The following KIAA1549 variants were observed in gnomAD, a reference collection of about 807,000 sequenced individuals.
KIAA1549 encodes KIAA1549.
In KIAA1549, 70 loss-of-function variants were observed where a neutral mutation model predicts 156.4. The ratio of observed to expected loss-of-function variants is 0.45; its 90% CI spans 0.37 to 0.55. KIAA1549 has a LOEUF of 0.55. Ranked by LOEUF, KIAA1549 falls within the 20% of genes least tolerant of loss-of-function variation. The probability of loss-of-function intolerance (pLI) is 0.00; values close to 1 mark genes in which losing one functional copy is unlikely to be tolerated. For missense variants in KIAA1549, 2,428 were observed against 2,540.9 expected (o/e 0.96, Z 0.96); for synonymous variants, 1,103 against 1,066.4 (o/e 1.03, Z -0.67).
chr7:138,869,911 A>G, intron 13 of KIAA1549, 150 bp from the exon 14 acceptor site: 1 of 636,098 alleles, frequency 1.6e-6, no homozygotes. Context: ...GTGCAATGGC[A>G]TGATCTCAGC....
chr7:138,844,182 G>A, intron 18 of KIAA1549, 135 bp downstream of exon 18: 1 of 988,934 alleles, frequency 1.0e-6, no homozygotes, highest in Middle Eastern at 2.2e-4. Flanking sequence ...TCTCGGTCAG[G>A]ATATGAGGGG....
In KIAA1549 at chr7:138,918,740, C is replaced by A; in HGVS notation, c.886G>T (p.Gly296Cys). 6.2e-7 allele frequency: 1 copy of A among 1,613,758 alleles called. No homozygotes were observed. Among genetic ancestry groups the A allele is most frequent in the Middle Eastern group, 1.7e-4 (1 of 6,060 alleles). Residue 296 changes from glycine to cysteine, a missense_variant, in exon 2 of 20, where the codon GGC (glycine) becomes TGC (cysteine). Gly to Cys is a radical substitution (Grantham distance 159, BLOSUM62 -3). Transcript: ENST00000422774. The surrounding 1 kb of genome is among the most constrained non-coding windows in gnomAD (Gnocchi z 4.2). ...RSLMPQPLGD[G>C]ITIPLPSLGE... ...AAGGAGGGCAACGGTATAGTAATGCCGTCGCCTAACGGCTGTGGCATTAAA... is the reference window on the plus strand; with the variant it reads ...AAGGAGGGCAACGGTATAGTAATGCAGTCGCCTAACGGCTGTGGCATTAAA...
intron 1 of KIAA1549, among the ~76,000 whole-genome samples, chr7:138,971,055 G>C (rs142737339): frequency 1.3e-5 from 2 of 152,088 alleles, no homozygotes; most frequent in Non-Finnish European, 2.9e-5. Flanking sequence ...CCCTGCCCTC[G>C]ACACAACACC....
At chr7:138,853,470 CTGTGAACAAATATCTATTT>C (rs1451394996) in intron 16 of KIAA1549, among the ~76,000 whole-genome samples, 1 of 152,216 alleles carries the variant, frequency 6.6e-6, no homozygotes, top group Admixed American at 6.5e-5. Flanking sequence ...AGACACTCTC[CTGTGAACAAATATCTATTT>C]TGTGAGGGGA....
In KIAA1549 at chr7:138,917,459, G is replaced by C. The variant is rs761475697; in HGVS notation, c.2167C>G (p.Pro723Ala). Residue 723 changes from proline to alanine, a missense_variant, in exon 2 of 20, where the codon CCT becomes GCT. By Grantham distance (27) the Pro-to-Ala change is conservative (BLOSUM62 -1). Transcript: ENST00000422774. ...TCAACAAACTCGAGAGAATCAGAAG[G>C]GAAGCTTGACCATGGTGACACCTCA... ...RSEVSPWSSF[P>A]SDSLEFVEAS... 4 of 1,613,816 alleles carry C rather than the reference G, an allele frequency of 2.5e-6. No homozygotes were observed. Among genetic ancestry groups the C allele is most frequent in the Non-Finnish European group, 3.4e-6 (4 of 1,179,894 alleles).
intron 8 of KIAA1549, among the ~76,000 whole-genome samples, chr7:138,901,728 T>C (rs1319909849): frequency 3.9e-5 from 6 of 152,328 alleles, no homozygotes; most frequent in Non-Finnish European, 8.8e-5. Flanking sequence ...CATTCCCCAA[T>C]TGCTGGACAT....
intron 12 of KIAA1549, chr7:138,876,568 A>G (rs1811090867): frequency 6.6e-6 from 1 of 152,218 alleles, no homozygotes; most frequent in African/African-American, 2.4e-5. Flanking sequence ...TAACTACTTA[A>G]AAATCACACA....
intron 7 of KIAA1549, among the ~76,000 whole-genome samples, 198 bp downstream of exon 7, chr7:138,904,824 C>T (rs1811961667): frequency 6.6e-6 from 1 of 152,144 alleles, no homozygotes; most frequent in Non-Finnish European, 1.5e-5. Context: ...TAAAGAAAGT[C>T]AGTCCTTTTT....
intron 1 of KIAA1549, among the ~76,000 whole-genome samples, chr7:138,941,050 T>C (rs893438327): frequency 6.6e-6 from 1 of 152,072 alleles, no homozygotes; most frequent in Admixed American, 6.5e-5. Flanking sequence ...TTGGCTTTTG[T>C]TGCCATTGCT....
At chr7:138,845,037 A>G (rs1199756765) in intron 17 of KIAA1549, among the ~76,000 whole-genome samples, 2 of 152,078 alleles carry the variant, frequency 1.3e-5, no homozygotes, top group Admixed American at 6.6e-5. Flanking sequence ...CGGATCGCAA[A>G]CTTTTTTTTA....
At chr7:138,850,988 T>C (rs1810217062) in intron 17 of KIAA1549, among the ~76,000 whole-genome samples, 1 of 152,226 alleles carries the variant, frequency 6.6e-6, no homozygotes, top group African/African-American at 2.4e-5. Context: ...TATTTTACAG[T>C]TGAGTCCAGG....
At chr7:138,908,231 G>A (rs1812064784) in intron 5 of KIAA1549, among the ~76,000 whole-genome samples, 1 of 151,934 alleles carries the variant, frequency 6.6e-6, no homozygotes, top group Non-Finnish European at 1.5e-5. Flanking sequence ...AAGGACTGCA[G>A]AGAAAACAGG....
chr7:138,966,159 C>T (rs1475856295), intron 1 of KIAA1549, among the ~76,000 whole-genome samples: 1 of 152,144 alleles, frequency 6.6e-6, no homozygotes, highest in East Asian at 1.9e-4. Context: ...ACCCTAGAAC[C>T]TCAGGATGTG....
In KIAA1549 at chr7:138,936,736, C is replaced by T. The variant is rs575076791; in HGVS notation, c.188-17298G>A. 1.2e-3 allele frequency among the ~76,000 whole-genome samples: 170 copies of T among 145,784 alleles called. 2 individuals are homozygous for T. Among genetic ancestry groups the T allele is most frequent in the Middle Eastern group, 3.4e-3 (1 of 290 alleles). The stretch of plus-strand genomic sequence containing the variant: ...ACTAGAGATGTGTGACCCCCCCCAC[C>T]CCCACACAAACACACCCCCCAAACG... On this transcript the variant is annotated intron_variant, in intron 1 of 19. Transcript: ENST00000422774.
At chr7:138,844,951 G>C (rs1052426590) in intron 17 of KIAA1549, among the ~76,000 whole-genome samples, 7 of 151,834 alleles carry the variant, frequency 4.6e-5, no homozygotes, top group Non-Finnish European at 7.4e-5. Context: ...CTCACTGCAA[G>C]CTCCACAGTG....
In KIAA1549 at chr7:138,907,421, C is replaced by T. The variant is rs1006302168; in HGVS notation, c.3277-319G>A. ...TGAGAATGGAAGAAAACTAGAGATT[C>T]CGTCAAACCTCTGGGGGATGAAGAA... On this transcript the variant is annotated intron_variant, in intron 5 of 19. Transcript: ENST00000422774. 7.9e-5 allele frequency among the ~76,000 whole-genome samples: 12 copies of T among 152,160 alleles called. 1 individual carries two copies. The highest frequency in any genetic ancestry group is 2.9e-4 in the African/African-American group (12 of 41,432).
intron 1 of KIAA1549, among the ~76,000 whole-genome samples, chr7:138,953,018 T>C (rs1260870063): frequency 6.6e-6 from 1 of 152,208 alleles, no homozygotes; most frequent in Admixed American, 6.5e-5. Context: ...TGAGAAGTGA[T>C]CAAATTTTGT....
At chr7:138,880,649 C>T (rs1241506219) in intron 11 of KIAA1549, among the ~76,000 whole-genome samples, 1 of 152,164 alleles carries the variant, frequency 6.6e-6, no homozygotes, top group Admixed American at 6.5e-5. Context: ...TAGCCAAAGC[C>T]TGACGGTGCG....
chr7:138,886,851 ATTAT>A (rs1428635525), intron 10 of KIAA1549, among the ~76,000 whole-genome samples: 9 of 152,248 alleles, frequency 5.9e-5, no homozygotes, highest in South Asian at 4.2e-4. Flanking sequence ...CATGCCCATT[ATTAT>A]TTATTTAAAT....
Sources: gnomAD v4.1 joint callset for allele counts (sites outside exome capture counted in the v4.1 genomes callset) on GRCh38, gnomAD v4.1.1 for gene constraint, Gnocchi (gnomAD v3.1) non-coding constraint, MANE v1.5 for transcripts, NCBI Gene and HGNC (gene_info 2026-07-23, HGNC 2026-07-21) for gene names.